The following LRFN5 variants were observed in gnomAD, a reference collection of about 807,000 sequenced individuals.
LRFN5 encodes leucine rich repeat and fibronectin type III domain containing 5.
Under a neutral mutation model 45.6 loss-of-function variants are expected in LRFN5, and 24 were observed. The ratio of observed to expected loss-of-function variants is 0.53; its 90% confidence interval spans 0.38 to 0.74. The LOEUF is 0.74. Ranked by LOEUF, LRFN5 falls within the 30% of genes least tolerant of loss-of-function variation. The pLI is 0.00. For synonymous variants in LRFN5, 340 were observed against 313.8 expected (o/e 1.08, Z -0.88); for missense variants, 776 against 861.5 (o/e 0.90, Z 1.24).
intron 1 of LRFN5, among the ~76,000 whole-genome samples, chr14:41,718,787 T>G (rs1883594953): frequency 6.6e-6 from 1 of 152,210 alleles, no homozygotes; most frequent in Non-Finnish European, 1.5e-5. Flanking sequence ...AAACTCAGCT[T>G]TAAACACTTT....
intron 2 of LRFN5, among the ~76,000 whole-genome samples, chr14:41,793,249 G>A (rs34512536): frequency 0.15 from 22,799 of 151,884 alleles, 1,846 homozygotes; most frequent in Non-Finnish European, 0.18. Context: ...CGGTCCCTCC[G>A]TTCGGGGTCC....
In LRFN5 at chr14:41,887,897, A is replaced by G. The variant is rs756633216; in HGVS notation, c.1272A>G (p.Ala424=). Residue 424 remains alanine (A), a synonymous_variant, in exon 3 of 6, where the codon GCA becomes GCG. Coordinates refer to ENST00000298119, the MANE Select transcript of LRFN5 (RefSeq NM_152447.5). This position sits in a 1 kb window ranked among gnomAD's most constrained non-coding sequence, Gnocchi z 4.8. The stretch of plus-strand genomic sequence containing the variant: ...TGAGTCAAGATAAAATTGTGGTGGC[A>G]GAAGCTACATCATCAACGGCACTAC... The part of the protein sequence containing the change: ...TKLSQDKIVV[A]EATSSTALLK... 5.0e-6 allele frequency: 8 copies of G among 1,614,012 alleles called. No homozygotes were observed. Among genetic ancestry groups the G allele is most frequent in the African/African-American group, 2.7e-5 (2 of 74,938 alleles).
chr14:41,754,125 T>C (rs1486903459), intron 1 of LRFN5, among the ~76,000 whole-genome samples: 3 of 152,184 alleles, frequency 2.0e-5, no homozygotes, highest in Non-Finnish European at 4.4e-5. Context: ...CACTTGATCA[T>C]GGTGGATAAG....
intron 2 of LRFN5, among the ~76,000 whole-genome samples, chr14:41,792,642 T>C (rs1221939545): frequency 6.6e-6 from 1 of 152,050 alleles, no homozygotes; most frequent in African/African-American, 2.4e-5. Flanking sequence ...AAGAAAAATA[T>C]GGCTCTTTTT....
intron 2 of LRFN5, among the ~76,000 whole-genome samples, chr14:41,811,822 G>A (rs183993507): frequency 3.0e-3 from 464 of 152,142 alleles, no homozygotes; most frequent in Non-Finnish European, 5.7e-3. Context: ...CATTTTTGGC[G>A]TGATGAAAAT....
chr14:41,639,949 ATTTTTTTTTTTT>A (rs34020254), intron 1 of LRFN5, among the ~76,000 whole-genome samples: 10 of 68,084 alleles, frequency 1.5e-4, no homozygotes, highest in East Asian at 8.1e-4. Context: ...TGACTGGCTA[ATTTTTTTTTTTT>A]TTTTTTTTTT....
At chr14:41,726,220 G>T (rs1291834179) in intron 1 of LRFN5, among the ~76,000 whole-genome samples, 1 of 151,846 alleles carries the variant, frequency 6.6e-6, no homozygotes. Context: ...CATTATCTAC[G>T]CTCTAATTTT....
Position 41,683,182 on chromosome 14 carries a change from T to C in LRFN5, c.-197+74620T>C, listed in dbSNP as rs1427983952. ...GGTTCAACTTTTGCACACCAATCAA[T>C]GTGATACATCGTATCAATAGAATGA... is the stretch of plus-strand genomic sequence containing the variant. On this transcript the variant is annotated intron_variant, in intron 1 of 5. Transcript: ENST00000298119. 3.3e-5 allele frequency among the ~76,000 whole-genome samples: 5 copies of C among 152,170 alleles called. No individual in the cohort carries two copies. The East Asian group carries it at 9.6e-4, about 29-fold the overall frequency.
chr14:41,879,024 A>T (rs910175337), intron 2 of LRFN5, among the ~76,000 whole-genome samples: 3 of 152,032 alleles, frequency 2.0e-5, no homozygotes, highest in Non-Finnish European at 4.4e-5. Context: ...CACAATTTAT[A>T]TGATTTTTTT....
At chr14:41,854,345 T>C (rs1566485035) in intron 2 of LRFN5, among the ~76,000 whole-genome samples, 1 of 151,908 alleles carries the variant, frequency 6.6e-6, no homozygotes, top group African/African-American at 2.4e-5. Flanking sequence ...TATGTGCCAC[T>C]TAATCCAGGG....
At chr14:41,886,230 A>G (rs1890567555) in intron 2 of LRFN5, among the ~76,000 whole-genome samples, 1 of 152,144 alleles carries the variant, frequency 6.6e-6, no homozygotes, top group South Asian at 2.1e-4. Flanking sequence ...TTATGTAACA[A>G]GATGTCCTTC....
At chr14:41,808,787 G>T (rs1358336331) in intron 2 of LRFN5, among the ~76,000 whole-genome samples, 1 of 152,020 alleles carries the variant, frequency 6.6e-6, no homozygotes, top group Non-Finnish European at 1.5e-5. Flanking sequence ...ATTAGGATAA[G>T]CTAAAGGTAA....
intron 2 of LRFN5, among the ~76,000 whole-genome samples, chr14:41,823,303 T>C (rs549059777): frequency 6.6e-6 from 1 of 152,154 alleles, no homozygotes; most frequent in East Asian, 1.9e-4. Context: ...AGACGTCCTT[T>C]GATCATTTAT....
At chr14:41,888,248 A>G (rs1890651034) in intron 3 of LRFN5, among the ~76,000 whole-genome samples, 1 of 152,056 alleles carries the variant, frequency 6.6e-6, no homozygotes, top group African/African-American at 2.4e-5. Flanking sequence ...TTTCCCCCTC[A>G]TCTAAGAGAT....
At chr14:41,866,376 G>A (rs1474583120) in intron 2 of LRFN5, among the ~76,000 whole-genome samples, 1 of 152,086 alleles carries the variant, frequency 6.6e-6, no homozygotes, top group East Asian at 1.9e-4. Flanking sequence ...AGTTACAGCT[G>A]AGGAGCAAGT....
At chr14:41,800,761 A>G (rs2138967479) in intron 2 of LRFN5, among the ~76,000 whole-genome samples, 1 of 145,412 alleles carries the variant, frequency 6.9e-6, no homozygotes, top group Admixed American at 6.9e-5. Context: ...CCTAACTCAT[A>G]AAAGATTACC....
chr14:41,836,924 C>T (rs75187725), intron 2 of LRFN5, among the ~76,000 whole-genome samples: 1,717 of 152,066 alleles, frequency 0.011, 11 homozygotes, highest in Admixed American at 0.019. Flanking sequence ...GACAGAGGAG[C>T]AGTGTGTAGT....
intron 2 of LRFN5, among the ~76,000 whole-genome samples, chr14:41,776,802 A>G (rs1240376844): frequency 1.3e-5 from 2 of 152,092 alleles, no homozygotes; most frequent in African/African-American, 4.8e-5. Context: ...TTGAAGAAAT[A>G]AAGATATTTT....
At chr14:41,816,226 C>G (rs1424759985) in intron 2 of LRFN5, among the ~76,000 whole-genome samples, 2 of 151,788 alleles carry the variant, frequency 1.3e-5, no homozygotes, top group Non-Finnish European at 2.9e-5. Context: ...CTCTCCTGTT[C>G]CTTACATCAT....
Sources: allele counts gnomAD v4.1 joint callset (sites outside exome capture counted in the v4.1 genomes callset), GRCh38; gene constraint gnomAD v4.1.1; non-coding constraint Gnocchi (gnomAD v3.1); transcripts MANE v1.5; gene names NCBI Gene and HGNC (gene_info 2026-07-23, HGNC 2026-07-21).